TTBK2: variants seen among roughly 807,000 people sequenced by gnomAD.
TTBK2 encodes the protein tau-tubulin kinase 2.
A neutral mutation model predicts 110.8 loss-of-function variants in TTBK2; 28 were observed. The observed-to-expected ratio is 0.25, with a 90% CI of 0.19 to 0.35. The LOEUF (loss-of-function observed/expected upper bound fraction) is 0.35. TTBK2 is among the 10% of genes least tolerant of loss of function. The pLI is 1.00. For synonymous variants in TTBK2, 532 were observed against 527.3 expected, an observed-to-expected ratio of 1.01 and a Z score of -0.12; for missense variants, 1,369 against 1,500.3, an observed-to-expected ratio of 0.91 and a Z score of 1.45.
chr15:42,810,449 C>T (rs187340001), intron 9 of TTBK2, among the ~76,000 whole-genome samples, 165 bp downstream of exon 9: 37 of 152,288 alleles, frequency 2.4e-4, no homozygotes, highest in African/African-American at 8.9e-4. Context: ...CACACGCTGA[C>T]ACTCTCATCA....
At chr15:42,850,595 G>A (rs1004290528) in intron 3 of TTBK2, among the ~76,000 whole-genome samples, 1 of 152,062 alleles carries the variant, frequency 6.6e-6, no homozygotes, top group African/African-American at 2.4e-5. Context: ...AACAAACTTT[G>A]TAGAACTCAT....
rs962930334 is a variant in TTBK2, at chr15:42,878,599, G to C, written c.19C>G (p.Gln7Glu). 4 of 1,613,158 alleles carry C rather than the reference G, an allele frequency of 2.5e-6. No homozygotes were observed. The highest frequency in any genetic ancestry group is 1.7e-4 in the Middle Eastern group (1 of 6,058). Reference protein sequence around the residue: MSGGGEQLDILSVGILV... With the variant: MSGGGEELDILSVGILV... ...ATTCCAACACTCAGGATATCCAGCT[G>C]CTCTCCTCCCCCACTCATTGCAATA... is the stretch of plus-strand genomic sequence containing the variant. Residue 7 changes from glutamine to glutamate, a missense_variant, in exon 2 of 15, where the codon CAG becomes GAG. Physicochemically the swap from Gln to Glu is conservative, Grantham distance 29 (BLOSUM62 2). This residue lies in a region of TTBK2 where 122 missense variants were observed against 159.7 expected (regional missense o/e 0.76). Transcript: ENST00000267890.
At chr15:42,787,495 C>T (rs1890460862) in intron 10 of TTBK2, among the ~76,000 whole-genome samples, 1 of 152,170 alleles carries the variant, frequency 6.6e-6, no homozygotes, top group Admixed American at 6.5e-5. Context: ...GCAAGATTCA[C>T]TGATGGATGC....
At position 42,743,925 on chromosome 15, in the gene TTBK2, G is replaced by A. The variant is rs567683015; in HGVS notation, c.*1870C>T. ...AAGGAATTTCGCCATCTGTGATCTC[G>A]AAATTACAAATGGAGAATGACAAAG... On this transcript the variant is annotated 3_prime_UTR_variant, in exon 15 of 15. Transcript: ENST00000267890. The A allele has an allele frequency of 7.2e-5, 11 of 152,208 alleles. No homozygotes were observed. In the South Asian group the frequency reaches 8.3e-4, roughly 11 times the overall value. The allele number at this position is 152,208 out of a possible 1,614,324, so 9.4% of individuals were successfully genotyped here. A position where few individuals can be genotyped will look rare whatever the true frequency, so the allele number is the denominator to read the frequency against.
At chr15:42,813,282 G>C (rs1436008445) in intron 7 of TTBK2, among the ~76,000 whole-genome samples, 9 of 152,280 alleles carry the variant, frequency 5.9e-5, no homozygotes, top group African/African-American at 2.2e-4. Flanking sequence ...AGCACTTTGG[G>C]AGGCCAAGAC....
chr15:42,754,565 T>C (rs1444349477), intron 13 of TTBK2, among the ~76,000 whole-genome samples: 1 of 151,082 alleles, frequency 6.6e-6, no homozygotes, highest in African/African-American at 2.4e-5. Context: ...CCCAGCTAAT[T>C]TCTGTATTTT....
At chr15:42,873,424 A>G (rs954558516) in intron 2 of TTBK2, among the ~76,000 whole-genome samples, 42 of 151,616 alleles carry the variant, frequency 2.8e-4, no homozygotes, top group Admixed American at 2.4e-3. Flanking sequence ...ACAGAGAGAG[A>G]CTCCATCTCA....
chr15:42,881,574 A>T (rs1016994585), intron 1 of TTBK2, among the ~76,000 whole-genome samples: 1 of 152,056 alleles, frequency 6.6e-6, no homozygotes, highest in Non-Finnish European at 1.5e-5. Flanking sequence ...AGACATAAAG[A>T]AAGAAATTAA....
chr15:42,893,361 T>G (rs1276820980), intron 1 of TTBK2, among the ~76,000 whole-genome samples: 1 of 152,064 alleles, frequency 6.6e-6, no homozygotes. Context: ...TAACTGCATG[T>G]GGTGGGTGCC....
chr15:42,789,349 C>A (rs1231284478), intron 10 of TTBK2, among the ~76,000 whole-genome samples: 2 of 151,728 alleles, frequency 1.3e-5, no homozygotes, highest in Non-Finnish European at 2.9e-5. Context: ...TGAGATCATG[C>A]AACATTTTTA....
chr15:42,791,803 C>G (rs116544575), intron 10 of TTBK2, among the ~76,000 whole-genome samples: 2,854 of 152,222 alleles, frequency 0.019, 84 homozygotes, highest in African/African-American at 0.065. Context: ...TCTTATTAAT[C>G]AATCCTATGT....
At chr15:42,866,064 C>T (rs1350582082) in intron 3 of TTBK2, among the ~76,000 whole-genome samples, 12 of 152,092 alleles carry the variant, frequency 7.9e-5, no homozygotes, top group Non-Finnish European at 1.6e-4. Flanking sequence ...ATATACCATA[C>T]TAATACTCAA....
At chr15:42,883,736 A>C (rs1194365463) in intron 1 of TTBK2, among the ~76,000 whole-genome samples, 1 of 152,086 alleles carries the variant, frequency 6.6e-6, no homozygotes, top group African/African-American at 2.4e-5. Flanking sequence ...CTGAATCCAA[A>C]CTTACCTGTA....
At chr15:42,833,660 C>T (rs201554770) in intron 4 of TTBK2, among the ~76,000 whole-genome samples, 2 of 152,028 alleles carry the variant, frequency 1.3e-5, no homozygotes, top group Non-Finnish European at 2.9e-5. Flanking sequence ...ATCACTTGAG[C>T]CCAGGAGTTC....
At chr15:42,779,767 G>A (rs1029926478) in intron 11 of TTBK2, among the ~76,000 whole-genome samples, 3 of 152,068 alleles carry the variant, frequency 2.0e-5, no homozygotes, top group Non-Finnish European at 4.4e-5. Flanking sequence ...ATTACTTGAG[G>A]CCAGGAGTTC....
At chr15:42,919,152 C>A (rs1166568220) in intron 1 of TTBK2, among the ~76,000 whole-genome samples, 2 of 152,096 alleles carry the variant, frequency 1.3e-5, no homozygotes, top group African/African-American at 4.8e-5. Flanking sequence ...TCAAAGATTT[C>A]CTTCAATGTT....
Position 42,832,323 on chromosome 15 carries a change from T to C in TTBK2, c.292-2245A>G, listed in dbSNP as rs16957209. Reference sequence around the variant, plus strand: ...CAAAAACTTTCAAAAGGAAATCAATTAAATTTTATTTATGACATTAGTAAT... The same window carrying C: ...CAAAAACTTTCAAAAGGAAATCAATCAAATTTTATTTATGACATTAGTAAT... On this transcript the variant is annotated intron_variant, in intron 4 of 14. Transcript: ENST00000267890. 4.5e-3 allele frequency among the ~76,000 whole-genome samples: 688 copies of C among 152,336 alleles called. 8 individuals carry two copies. Among genetic ancestry groups the C allele is most frequent in the African/African-American group, 0.016 (662 of 41,586 alleles).
chr15:42,814,769 T>C (rs977523402), intron 7 of TTBK2, among the ~76,000 whole-genome samples: 2 of 152,206 alleles, frequency 1.3e-5, no homozygotes, highest in African/African-American at 4.8e-5. Context: ...CTAACAATCG[T>C]TGTGAACTAT....
chr15:42,745,095 C>A lies in TTBK2; in HGVS notation c.*700G>T, dbSNP rs2061773884. On this transcript the variant is annotated 3_prime_UTR_variant, in exon 15 of 15. Transcript: ENST00000267890. ...TAATAAAAATGTAATATGTTAAGAA[C>A]TCTTGCTCTAAAAAAAAAAAATCAG... is the stretch of plus-strand genomic sequence containing the variant. 6.5e-6 allele frequency: 1 copy of A among 152,800 alleles called. No homozygotes were observed. Among genetic ancestry groups the A allele is most frequent in the Non-Finnish European group, 1.5e-5 (1 of 67,986 alleles). The allele number at this position is 152,800 out of a possible 1,614,324, so 9.5% of individuals were successfully genotyped here.
Sources: gnomAD v4.1 joint callset for allele counts (sites outside exome capture counted in the v4.1 genomes callset) on GRCh38, gnomAD v4.1.1 for gene constraint, gnomAD v4.1.1 regional missense constraint, MANE v1.5 for transcripts, NCBI Gene and HGNC (gene_info 2026-07-23, HGNC 2026-07-21) for gene names.